Variants in TCF4 observed in about 807,000 individuals in gnomAD.
TCF4 encodes transcription factor 4, also known as SL3-3 enhancer factor 2.
Under a neutral mutation model 82.1 loss-of-function variants are expected in TCF4, and 3 were observed. The observed-to-expected ratio is 0.04, with a 90% CI of 0.02 to 0.09. The LOEUF is 0.09. Among genes scored for constraint, TCF4 ranks in the 10% least tolerant of loss-of-function variants. The pLI, the probability that TCF4 is intolerant of heterozygous loss-of-function variation, is 1.00. For missense variants in TCF4, 518 were observed against 852.7 expected (o/e 0.61, Z 4.89); for synonymous variants, 276 against 309.6 (o/e 0.89, Z 1.14).
At chr18:55,464,541 G>T (rs1046790980) in intron 3 of TCF4, among the ~76,000 whole-genome samples, 1 of 152,112 alleles carries the variant, frequency 6.6e-6, no homozygotes, top group Non-Finnish European at 1.5e-5. Context: ...TAGCATCCTC[G>T]CCATAATGCT....
At chr18:55,634,872 C>T (rs901072904) in intron 1 of TCF4, among the ~76,000 whole-genome samples, 4 of 151,952 alleles carry the variant, frequency 2.6e-5, no homozygotes, top group African/African-American at 9.7e-5. Context: ...GAAGGAAGAA[C>T]CAAAAATGAT....
At chr18:55,468,872 T>G in intron 3 of TCF4, among the ~76,000 whole-genome samples, 1 of 99,772 alleles carries the variant, frequency 1.0e-5, no homozygotes. Flanking sequence ...CTGAATCTAT[T>G]TAGTTCTCGC....
chr18:55,570,694 C>T (rs2097455598), intron 3 of TCF4, among the ~76,000 whole-genome samples: 1 of 151,862 alleles, frequency 6.6e-6, no homozygotes, highest in African/African-American at 2.4e-5. Context: ...CCAGCCCGGG[C>T]AACATGGTGA....
intron 8 of TCF4, among the ~76,000 whole-genome samples, chr18:55,308,065 G>A (rs963828769): frequency 1.3e-5 from 2 of 152,138 alleles, no homozygotes; most frequent in Non-Finnish European, 2.9e-5. Flanking sequence ...AACGCTAACT[G>A]GGCACATTTG....
At chr18:55,301,815 G>C (rs903812110) in intron 8 of TCF4, among the ~76,000 whole-genome samples, 17 of 120,140 alleles carry the variant, frequency 1.4e-4, no homozygotes, top group Admixed American at 8.9e-4. Context: ...AAAAAAAAGT[G>C]GGGGGGGATT....
At chr18:55,511,154 CA>C (rs892417143) in intron 3 of TCF4, among the ~76,000 whole-genome samples, 46 of 152,136 alleles carry the variant, frequency 3.0e-4, no homozygotes, top group African/African-American at 1.1e-3. Context: ...CCACATAACA[CA>C]TATACTTTTA....
intron 6 of TCF4, among the ~76,000 whole-genome samples, chr18:55,355,266 GA>G (rs2083220666): frequency 6.6e-6 from 1 of 152,188 alleles, no homozygotes; most frequent in African/African-American, 2.4e-5. Context: ...AATACACATT[GA>G]GTGAAATTAC....
intron 6 of TCF4, among the ~76,000 whole-genome samples, chr18:55,385,412 CT>C (rs1232567219): frequency 6.6e-6 from 1 of 152,132 alleles, no homozygotes; most frequent in African/African-American, 2.4e-5. Context: ...CATAAAATAA[CT>C]TTTTTTGTTA....
At chr18:55,403,958 G>A in intron 5 of TCF4, 1 of 1,295,262 alleles carries the variant, frequency 7.7e-7, no homozygotes, top group Non-Finnish European at 9.8e-7. Context: ...CTCTCCAGAT[G>A]GTGAATTTAG....
At chr18:55,420,863 A>G (rs1404478750) in intron 5 of TCF4, among the ~76,000 whole-genome samples, 1 of 151,808 alleles carries the variant, frequency 6.6e-6, no homozygotes, top group South Asian at 2.1e-4. Flanking sequence ...GATTTGGGGG[A>G]AAAAAGAACC....
intron 3 of TCF4, among the ~76,000 whole-genome samples, chr18:55,508,235 C>T (rs1023754954): frequency 6.6e-6 from 1 of 152,122 alleles, no homozygotes; most frequent in African/African-American, 2.4e-5. Context: ...ACTAGAAGCA[C>T]CTTTAGAAAA....
rs2146150961 is a variant in TCF4, at chr18:55,275,789, A to G, written c.656-37T>C. On this transcript the variant is annotated intron_variant, in intron 9 of 19. Transcript: ENST00000354452. The stretch of plus-strand genomic sequence containing the variant: ...AAAGACAACCATGACTTTCTGAGGC[A>G]TTCAGCCTTGCCTTATAGAATAGGG... The G allele has an allele frequency of 2.5e-6, 4 of 1,613,512 alleles. No homozygotes were observed. The East Asian group carries it at 8.9e-5, about 36-fold the overall frequency.
intron 3 of TCF4, among the ~76,000 whole-genome samples, chr18:55,582,335 G>T (rs1302593133): frequency 2.6e-5 from 4 of 152,088 alleles, no homozygotes; most frequent in East Asian, 1.9e-4. Context: ...TACCATATAG[G>T]TTATAACTAT....
chr18:55,424,346 A>G (rs966064476), intron 5 of TCF4, among the ~76,000 whole-genome samples: 1 of 152,166 alleles, frequency 6.6e-6, no homozygotes, highest in Non-Finnish European at 1.5e-5. Flanking sequence ...GGCATCCTAT[A>G]TCACAAACTC....
intron 3 of TCF4, among the ~76,000 whole-genome samples, chr18:55,534,700 T>TA (rs953626775): frequency 1.4e-4 from 21 of 152,100 alleles, no homozygotes; most frequent in Admixed American, 1.1e-3. Context: ...AAATTCAGCT[T>TA]AAAAAAAACC....
intron 5 of TCF4, among the ~76,000 whole-genome samples, chr18:55,437,220 C>T (rs193249847): frequency 6.6e-6 from 1 of 152,292 alleles, no homozygotes; most frequent in African/African-American, 2.4e-5. Flanking sequence ...ATCTGCTAAC[C>T]CTTTTTCCTT....
intron 5 of TCF4, among the ~76,000 whole-genome samples, chr18:55,444,256 T>A (rs1232377603): frequency 6.6e-6 from 1 of 152,182 alleles, no homozygotes; most frequent in African/African-American, 2.4e-5. Flanking sequence ...AAGCTCCATT[T>A]TCAGTCAATG....
chr18:55,477,968 C>G (rs2096332431), intron 3 of TCF4, among the ~76,000 whole-genome samples: 1 of 151,984 alleles, frequency 6.6e-6, no homozygotes, highest in Admixed American at 6.6e-5. Context: ...ACTGGTCTTA[C>G]CAATTCAGTA....
chr18:55,542,082 T>C (rs552041527), intron 3 of TCF4, among the ~76,000 whole-genome samples: 13 of 152,134 alleles, frequency 8.5e-5, no homozygotes, highest in African/African-American at 2.9e-4. Flanking sequence ...TGCATATCTA[T>C]AAATGTGAAT....
Sources: gnomAD v4.1 joint callset for allele counts (sites outside exome capture counted in the v4.1 genomes callset) on GRCh38, gnomAD v4.1.1 for gene constraint, MANE v1.5 for transcripts, NCBI Gene and HGNC (gene_info 2026-07-23, HGNC 2026-07-21) for gene names.